Variants in ADAMTS19 observed in about 807,000 individuals in gnomAD.
ADAMTS19 encodes the protein A disintegrin and metalloproteinase with thrombospondin motifs 19.
ADAMTS19 carries 93 observed loss-of-function variants against 153.3 expected under a neutral mutation model. The observed-to-expected ratio is 0.61, with a 90% CI of 0.51 to 0.72. ADAMTS19 has a LOEUF of 0.72. Among genes scored for constraint, ADAMTS19 ranks in the 30% least tolerant of loss-of-function variants. The pLI is 0.00. For synonymous variants in ADAMTS19, 600 were observed against 556.6 expected, an observed-to-expected ratio of 1.08 and a Z score of -1.10; for missense variants, 1,482 against 1,552.1, an observed-to-expected ratio of 0.95 and a Z score of 0.76.
intron 2 of ADAMTS19, among the ~76,000 whole-genome samples, chr5:129,504,949 C>A (rs1390203021): frequency 6.6e-6 from 1 of 151,568 alleles, no homozygotes. Flanking sequence ...TAGGTTGATT[C>A]CACATATCGA....
chr5:129,661,636 G>A (rs895856419), intron 15 of ADAMTS19, among the ~76,000 whole-genome samples: 16 of 152,246 alleles, frequency 1.1e-4, no homozygotes, highest in Admixed American at 6.5e-4. Flanking sequence ...AATTCAAGAA[G>A]CGTTTTCTTT....
intron 7 of ADAMTS19, among the ~76,000 whole-genome samples, chr5:129,563,553 C>G (rs1314140693): frequency 1.3e-5 from 2 of 152,082 alleles, no homozygotes; most frequent in African/African-American, 2.4e-5. Context: ...CAGATTTTTG[C>G]CCACTCAGTC....
chr5:129,605,443 C>A (rs1025167484), intron 8 of ADAMTS19, among the ~76,000 whole-genome samples: 3 of 152,184 alleles, frequency 2.0e-5, no homozygotes, highest in African/African-American at 7.2e-5. Context: ...CTGGAAAGTT[C>A]TCCAGAGCAG....
intron 2 of ADAMTS19, among the ~76,000 whole-genome samples, chr5:129,462,604 T>G: frequency 6.7e-6 from 1 of 149,152 alleles, no homozygotes; most frequent in African/African-American, 2.5e-5. Context: ...GACCTTTGTG[T>G]GTGTGTGTGT....
At chr5:129,632,079 G>A (rs1752321885) in intron 10 of ADAMTS19, among the ~76,000 whole-genome samples, 1 of 151,974 alleles carries the variant, frequency 6.6e-6, no homozygotes, top group South Asian at 2.1e-4. Flanking sequence ...TATTAGGCTT[G>A]TCAGCAGCAG....
chr5:129,737,175 C>T lies in ADAMTS19; in HGVS notation c.3599C>T (p.Thr1200Ile), dbSNP rs76657982. The T allele has an allele frequency of 2.9e-4, 465 of 1,609,596 alleles. 7 individuals carry two copies. The East Asian group carries it at 9.8e-3, about 34-fold the overall frequency. ...DMRWYQRCCE[T>I]CRDFYAQKLQ... ...CGGTGGTATCAGCGCTGCTGTGAAACATGCAGGGACTTCTATGCCCAAAAG... is the reference window on the plus strand; with the variant it reads ...CGGTGGTATCAGCGCTGCTGTGAAATATGCAGGGACTTCTATGCCCAAAAG... The change falls in exon 23 of 23, where the codon ACA becomes ATA. Residue 1200 changes from threonine to isoleucine, a missense_variant. Thr to Ile is a moderately conservative substitution (Grantham distance 89). Transcript: ENST00000274487.
At chr5:129,652,388 C>A (rs1397640598) in intron 13 of ADAMTS19, among the ~76,000 whole-genome samples, 2 of 152,150 alleles carry the variant, frequency 1.3e-5, no homozygotes, top group African/African-American at 2.4e-5. Flanking sequence ...TGTGGGGTAG[C>A]AATGCAGCAG....
chr5:129,615,456 A>G (rs1751471820), intron 8 of ADAMTS19, among the ~76,000 whole-genome samples: 1 of 151,980 alleles, frequency 6.6e-6, no homozygotes, highest in African/African-American at 2.4e-5. Context: ...TTACCTCTAA[A>G]TATTCTATTT....
chr5:129,578,157 C>T (rs1211304267), intron 7 of ADAMTS19, among the ~76,000 whole-genome samples: 3 of 86,950 alleles, frequency 3.5e-5, no homozygotes, highest in Non-Finnish European at 5.0e-5. Context: ...TGTATATGTA[C>T]GTATACGTAC....
At chr5:129,484,571 G>A (rs953095865) in intron 2 of ADAMTS19, among the ~76,000 whole-genome samples, 1 of 152,082 alleles carries the variant, frequency 6.6e-6, no homozygotes, top group African/African-American at 2.4e-5. Context: ...GGTTTGTTCA[G>A]GTGGATGCGT....
At chr5:129,618,501 A>G (rs2126971722) in intron 8 of ADAMTS19, among the ~76,000 whole-genome samples, 1 of 152,094 alleles carries the variant, frequency 6.6e-6, no homozygotes, top group South Asian at 2.1e-4. Context: ...TTCCTTTCAT[A>G]TTATCTTCTT....
chr5:129,534,766 A>T (rs1166430594), intron 6 of ADAMTS19, among the ~76,000 whole-genome samples: 1 of 152,228 alleles, frequency 6.6e-6, no homozygotes, highest in South Asian at 2.1e-4. Flanking sequence ...AGGCTTGTTC[A>T]ACATACGAAA....
At chr5:129,482,967 T>C (rs996533309) in intron 2 of ADAMTS19, among the ~76,000 whole-genome samples, 13 of 152,222 alleles carry the variant, frequency 8.5e-5, no homozygotes, top group Non-Finnish European at 1.9e-4. Flanking sequence ...TACAAAATTT[T>C]GCTCATATAA....
intron 2 of ADAMTS19, among the ~76,000 whole-genome samples, chr5:129,474,336 G>A (rs1462704005): frequency 6.6e-6 from 1 of 151,684 alleles, no homozygotes; most frequent in Non-Finnish European, 1.5e-5. Flanking sequence ...CCATTTTTTG[G>A]CTATTATGAA....
In ADAMTS19 at chr5:129,603,592, T is replaced by C. The variant is rs188809300; in HGVS notation, c.1478+6928T>C. 3.0e-3 allele frequency among the ~76,000 whole-genome samples: 450 copies of C among 152,308 alleles called. 3 individuals are homozygous for C. Among genetic ancestry groups the C allele is most frequent in the Admixed American group, 8.7e-3 (133 of 15,284 alleles). On this transcript the variant is annotated intron_variant, in intron 8 of 22. Transcript: ENST00000274487. ...AGGAAAATTTAGCCTAAGTCTAAGA[T>C]ATTGTACAATATCTAAATTATCTGG...
At chr5:129,536,224 A>C (rs1752416061) in intron 6 of ADAMTS19, among the ~76,000 whole-genome samples, 1 of 152,220 alleles carries the variant, frequency 6.6e-6, no homozygotes, top group Non-Finnish European at 1.5e-5. Flanking sequence ...AGAAAAAAAC[A>C]AACAACCCCA....
chr5:129,588,883 C>G (rs962351460), intron 7 of ADAMTS19, among the ~76,000 whole-genome samples: 4 of 151,612 alleles, frequency 2.6e-5, no homozygotes, highest in African/African-American at 9.7e-5. Flanking sequence ...ATATATTTTA[C>G]TTTATTTCTG....
intron 3 of ADAMTS19, among the ~76,000 whole-genome samples, chr5:129,525,701 G>T (rs1009207722): frequency 6.6e-6 from 1 of 151,982 alleles, no homozygotes; most frequent in Non-Finnish European, 1.5e-5. Flanking sequence ...CATGATTTTT[G>T]TTTCTGCTCT....
At chr5:129,611,602 T>C (rs1342356291) in intron 8 of ADAMTS19, among the ~76,000 whole-genome samples, 1 of 152,138 alleles carries the variant, frequency 6.6e-6, no homozygotes, top group Non-Finnish European at 1.5e-5. Flanking sequence ...TGGTTGTAGA[T>C]GTGTGGTATT....
Sources: gnomAD v4.1 joint callset for allele counts (sites outside exome capture counted in the v4.1 genomes callset) on GRCh38, gnomAD v4.1.1 for gene constraint, MANE v1.5 for transcripts, NCBI Gene and HGNC (gene_info 2026-07-23, HGNC 2026-07-21) for gene names.